Variants in DOCK11 observed in about 807,000 individuals in gnomAD.
DOCK11 encodes dedicator of cytokinesis protein 11.
A neutral mutation model predicts 169.1 loss-of-function variants in DOCK11; 70 were observed. The ratio of observed to expected loss-of-function variants is 0.41; its 90% CI spans 0.34 to 0.51. DOCK11 has a LOEUF of 0.51. Ranked by LOEUF, DOCK11 falls within the 20% of genes least tolerant of loss-of-function variation. The pLI, the probability that DOCK11 is intolerant of heterozygous loss-of-function variation, is 0.10. For missense variants in DOCK11, 1,166 were observed against 1,538.8 expected (o/e 0.76, Z 4.05); for synonymous variants, 529 against 541.3 (o/e 0.98, Z 0.32).
chrX:118,557,105 A>G (rs1179406302), intron 6 of DOCK11, among the ~76,000 whole-genome samples: 3 of 112,366 alleles, frequency 2.7e-5, no homozygotes, highest in Non-Finnish European at 5.6e-5. Context: ...ATTTTGAAAC[A>G]TTTTATTGAG....
intron 6 of DOCK11, among the ~76,000 whole-genome samples, chrX:118,551,898 C>T (rs1171500577): frequency 2.7e-5 from 3 of 110,126 alleles, no homozygotes. Flanking sequence ...GTTAGCTAGG[C>T]GTGGTGGTGC....
In DOCK11 at chrX:118,545,372, G is replaced by A; in HGVS notation, c.442G>A (p.Glu148Lys). The change falls in exon 5 of 53, where the codon GAA becomes AAA. Residue 148 changes from glutamate (E) to lysine (K), a missense_variant. By Grantham distance (56) the Glu-to-Lys change is moderately conservative. Coordinates refer to ENST00000276202, the MANE Select transcript of DOCK11 (RefSeq NM_144658.4). Reference protein sequence around the residue: ...KIPNHVFEIDEDCEKDEDSSS... With the variant: ...KIPNHVFEIDKDCEKDEDSSS... ...TCCTAATCATGTATTTGAGATAGAT[G>A]AAGACTGTGAGAAAGATGAGGTAAG... The A allele has an allele frequency of 1.7e-6, 2 of 1,195,624 alleles. No homozygotes were observed. Among genetic ancestry groups the A allele is most frequent in the Non-Finnish European group, 2.3e-6 (2 of 887,659 alleles).
chrX:118,672,657 G>A (rs934946023), intron 46 of DOCK11, among the ~76,000 whole-genome samples: 3 of 112,438 alleles, frequency 2.7e-5, no homozygotes, highest in Non-Finnish European at 3.8e-5. Context: ...AGATGGTCTC[G>A]ATCTCCTGAC....
intron 16 of DOCK11, among the ~76,000 whole-genome samples, chrX:118,585,625 C>T (rs1432505901): frequency 9.3e-6 from 1 of 107,948 alleles, no homozygotes; most frequent in Non-Finnish European, 1.9e-5. Flanking sequence ...CTTTTCAACC[C>T]AGTATGCACG....
intron 40 of DOCK11, among the ~76,000 whole-genome samples, chrX:118,647,524 TA>T (rs2015718972): frequency 6.3e-5 from 3 of 47,939 alleles, no homozygotes; most frequent in Non-Finnish European, 1.0e-4. Flanking sequence ...ATATAATATA[TA>T]ATATAATATT....
At chrX:118,582,147 A>G (rs771421370) in intron 14 of DOCK11, among the ~76,000 whole-genome samples, 1 of 111,750 alleles carries the variant, frequency 8.9e-6, no homozygotes, top group East Asian at 2.8e-4. Context: ...AAAAGTTATC[A>G]AGTGCTAACT....
At chrX:118,611,548 G>A (rs112252622) in intron 28 of DOCK11, among the ~76,000 whole-genome samples, 1,693 of 112,174 alleles carry the variant, frequency 0.015, 30 homozygotes, top group African/African-American at 0.051. Flanking sequence ...AACCTGTTTG[G>A]TGATGTAACC....
At chrX:118,629,457 T>C (rs2015182541) in intron 34 of DOCK11, among the ~76,000 whole-genome samples, 2 of 111,180 alleles carry the variant, frequency 1.8e-5, no homozygotes, top group South Asian at 3.8e-4. Context: ...AGTTTTTAAA[T>C]TTTTTAGATT....
chrX:118,610,387 A>G lies in DOCK11; in HGVS notation c.3065A>G (p.Asn1022Ser), dbSNP rs1213381452. 10 of 1,209,497 alleles carry G rather than the reference A, an allele frequency of 8.3e-6. No individual in the cohort carries two copies. In the South Asian group the frequency reaches 1.6e-4, roughly 19 times the overall value. Residue 1022 changes from asparagine to serine, a missense_variant, in exon 28 of 53, where the codon AAT becomes AGT. By Grantham distance (46) the Asn-to-Ser change is conservative (BLOSUM62 1). Coordinates refer to ENST00000276202, the MANE Select transcript of DOCK11 (RefSeq NM_144658.4). Reference protein sequence around the residue: ...RYAEIPDESRNVNYSLASFLK... With the variant: ...RYAEIPDESRSVNYSLASFLK... Reference sequence around the variant, plus strand: ...GCGGAGATTCCCGATGAGTCCAGAAATGTGAACTATAGTTTGGCTAGCTTC... The same window carrying G: ...GCGGAGATTCCCGATGAGTCCAGAAGTGTGAACTATAGTTTGGCTAGCTTC...
chrX:118,545,352 A>T lies in DOCK11; in HGVS notation c.422A>T (p.Asn141Ile), dbSNP rs745799371. Reference protein sequence around the residue: ...CKSLRPEKIPNHVFEIDEDCE... With the variant: ...CKSLRPEKIPIHVFEIDEDCE... ...TCTTTGAGACCAGAAAAGATTCCTAATCATGTATTTGAGATAGATGAAGAC... is the reference window on the plus strand; with the variant it reads ...TCTTTGAGACCAGAAAAGATTCCTATTCATGTATTTGAGATAGATGAAGAC... The change falls in exon 5 of 53, where the codon AAT becomes ATT. Residue 141 changes from asparagine to isoleucine, a missense_variant. Transcript: ENST00000276202. The T allele has an allele frequency of 3.3e-6, 4 of 1,199,442 alleles. No homozygotes were observed. The highest frequency in any genetic ancestry group is 4.5e-5 in the Admixed American group (2 of 44,585).
intron 6 of DOCK11, among the ~76,000 whole-genome samples, chrX:118,558,616 T>C (rs900198806): frequency 8.9e-6 from 1 of 112,425 alleles, no homozygotes; most frequent in Non-Finnish European, 1.9e-5. Flanking sequence ...AAAAGATATC[T>C]TAAAAGCTTC....
Position 118,548,628 on chromosome X carries a change from C to T in DOCK11, c.558+2512C>T, listed in dbSNP as rs188760622. 3.9e-3 allele frequency among the ~76,000 whole-genome samples: 432 copies of T among 111,136 alleles called. 4 individuals are homozygous for T. The highest frequency in any genetic ancestry group is 0.013 in the African/African-American group (409 of 30,565). The stretch of plus-strand genomic sequence containing the variant: ...GCTGGCTTTGAGGGTACAGAAAAGA[C>T]TCACAGGCCGAGAAATGCAGGCAGC... On this transcript the variant is annotated intron_variant, in intron 6 of 52. Coordinates refer to ENST00000276202, the MANE Select transcript of DOCK11 (RefSeq NM_144658.4).
At chrX:118,683,287 A>G in intron 52 of DOCK11, 70 bp downstream of exon 52, 2 of 1,049,993 alleles carry the variant, frequency 1.9e-6, no homozygotes, top group South Asian at 4.8e-5. Context: ...AGCAAAATAT[A>G]ATGGTTCAAA....
intron 28 of DOCK11, among the ~76,000 whole-genome samples, chrX:118,612,290 TAAAATA>T (rs910355688): frequency 2.7e-5 from 3 of 112,272 alleles, no homozygotes; most frequent in Non-Finnish European, 5.6e-5. Flanking sequence ...TTGCCAGAAT[TAAAATA>T]AAGTTTTAAC....
intron 45 of DOCK11, among the ~76,000 whole-genome samples, chrX:118,670,272 G>T (rs1436163203): frequency 1.8e-5 from 2 of 111,805 alleles, no homozygotes; most frequent in Non-Finnish European, 3.8e-5. Context: ...AGTTCTACAG[G>T]TTTGAAGTGC....
At chrX:118,501,907 G>A (rs374627200) in intron 1 of DOCK11, among the ~76,000 whole-genome samples, 28 of 111,713 alleles carry the variant, frequency 2.5e-4, no homozygotes, top group South Asian at 2.2e-3. Context: ...GTACATCACC[G>A]TTCTAATTTG....
chrX:118,579,847 T>C (rs2147403045), intron 13 of DOCK11, among the ~76,000 whole-genome samples: 1 of 112,389 alleles, frequency 8.9e-6, no homozygotes, highest in South Asian at 3.7e-4. Flanking sequence ...AAGTGTGCCC[T>C]ATATCTATTT....
At chrX:118,593,397 A>G in intron 20 of DOCK11, 60 bp downstream of exon 20, 1 of 1,082,919 alleles carries the variant, frequency 9.2e-7, no homozygotes, top group Non-Finnish European at 1.2e-6. Flanking sequence ...TGTCCAGGGT[A>G]TAACCTCTTT....
chrX:118,624,754 CTTTTTTT>C, intron 32 of DOCK11, 99 bp downstream of exon 32: 33 of 235,051 alleles, frequency 1.4e-4, no homozygotes, highest in Admixed American at 2.4e-4. Context: ...TAAGAGTTCA[CTTTTTTT>C]TTTTTTTTTT....
Sources: gnomAD v4.1 joint callset for allele counts (sites outside exome capture counted in the v4.1 genomes callset) on GRCh38, gnomAD v4.1.1 for gene constraint, MANE v1.5 for transcripts, NCBI Gene and HGNC (gene_info 2026-07-23, HGNC 2026-07-21) for gene names.